Variants in ZBBX observed in about 807,000 individuals in gnomAD.
ZBBX encodes the protein zinc finger B-box domain-containing protein 1.
A neutral mutation model predicts 108.5 loss-of-function variants in ZBBX; 101 were observed. The observed-to-expected ratio is 0.93, with a 90% CI of 0.79 to 1.10. The LOEUF is 1.10. Ranked by LOEUF, ZBBX falls within the 50% of genes least tolerant of loss-of-function variation. ZBBX has a pLI of 0.00. For synonymous variants in ZBBX, 356 were observed against 323.4 expected, an observed-to-expected ratio of 1.10 and a Z score of -1.08; for missense variants, 1,009 against 941.4, an observed-to-expected ratio of 1.07 and a Z score of -0.94.
the ZBBX span, among the ~76,000 whole-genome samples, chr3:167,196,263 T>G: frequency 6.6e-6 from 1 of 152,202 alleles, no homozygotes; most frequent in African/African-American, 2.4e-5. Flanking sequence ...TATGCTATCA[T>G]GTGAAACCAA....
chr3:167,247,670 G>A (rs1366636630), intron 20 of ZBBX, among the ~76,000 whole-genome samples: 3 of 152,148 alleles, frequency 2.0e-5, no homozygotes, highest in Non-Finnish European at 4.4e-5. Context: ...GTCGTTAAGT[G>A]TCTATCTGTA....
chr3:167,225,874 G>A, the ZBBX span, among the ~76,000 whole-genome samples: 1 of 151,650 alleles, frequency 6.6e-6, no homozygotes, highest in Non-Finnish European at 1.5e-5. Context: ...AAGATCAGTT[G>A]CTTTTCTTGT....
In ZBBX at chr3:167,288,881, T is replaced by A; in HGVS notation, c.1982A>T (p.Lys661Ile). Residue 661 changes from lysine to isoleucine, a missense_variant, in exon 19 of 22, where the codon AAA becomes ATA. Physicochemically the swap from Lys to Ile is moderately radical, Grantham distance 102. Transcript: ENST00000675490. Reference sequence around the variant, plus strand: ...GTCAATGTTACCCATCTTTTGCTGTTTTCTACTTGATGATGGACTCTGAGC... The same window carrying A: ...GTCAATGTTACCCATCTTTTGCTGTATTCTACTTGATGATGGACTCTGAGC... Reference protein sequence around the residue: ...QGAQSPSSSRKQQKMGQKSQR... With the variant: ...QGAQSPSSSRIQQKMGQKSQR... The A allele has an allele frequency of 6.5e-7, 1 of 1,533,200 alleles. No homozygotes were observed. The highest frequency in any genetic ancestry group is 8.8e-7 in the Non-Finnish European group (1 of 1,135,678). 95.0% of individuals were successfully genotyped at this position (1,533,200 alleles called of 1,614,324 possible). A position where few individuals can be genotyped will look rare whatever the true frequency, so the allele number is the denominator to read the frequency against.
chr3:167,244,443 A>T (rs1721215742), intron 20 of ZBBX, among the ~76,000 whole-genome samples: 1 of 152,228 alleles, frequency 6.6e-6, no homozygotes, highest in African/African-American at 2.4e-5. Context: ...AAACTCTATT[A>T]TGCATTTGAG....
chr3:167,352,709 T>A (rs1231176421), intron 8 of ZBBX, among the ~76,000 whole-genome samples: 2 of 140,578 alleles, frequency 1.4e-5, no homozygotes, highest in African/African-American at 2.8e-5. Flanking sequence ...TAAACATAGA[T>A]ACAAAAATTC....
intron 17 of ZBBX, among the ~76,000 whole-genome samples, chr3:167,303,778 A>G (rs1044838895): frequency 1.3e-5 from 2 of 152,132 alleles, no homozygotes; most frequent in Admixed American, 1.3e-4. Context: ...TGCTCTTTGG[A>G]GATAATTATC....
intron 9 of ZBBX, among the ~76,000 whole-genome samples, chr3:167,348,201 G>A (rs971031484): frequency 4.8e-5 from 3 of 62,254 alleles, no homozygotes; most frequent in African/African-American, 2.2e-4. Context: ...GATGAAAGAA[G>A]GAAGGAAGGA....
chr3:167,223,469 G>A, the ZBBX span, among the ~76,000 whole-genome samples: 4 of 151,938 alleles, frequency 2.6e-5, no homozygotes, highest in African/African-American at 9.7e-5. Flanking sequence ...TTGTGTCAGA[G>A]TCTTAAAGGC....
chr3:167,404,439 T>C (rs1203451116), intron 1 of ZBBX, among the ~76,000 whole-genome samples: 1 of 152,094 alleles, frequency 6.6e-6, no homozygotes, highest in African/African-American at 2.4e-5. Context: ...AGAAAACCAA[T>C]CACTGAGACA....
chr3:167,289,411 T>C (rs77526741), intron 18 of ZBBX, among the ~76,000 whole-genome samples: 7,744 of 152,148 alleles, frequency 0.051, 532 homozygotes, highest in African/African-American at 0.16. Flanking sequence ...GTACATCTCA[T>C]TGGGACTGGT....
chr3:167,275,390 G>T (rs935403715), intron 20 of ZBBX, among the ~76,000 whole-genome samples: 1 of 152,164 alleles, frequency 6.6e-6, no homozygotes, highest in African/African-American at 2.4e-5. Context: ...ACTAGGGAGT[G>T]CCAGACAGTG....
chr3:167,388,838 C>A (rs1322324938), intron 1 of ZBBX, among the ~76,000 whole-genome samples: 8 of 151,882 alleles, frequency 5.3e-5, no homozygotes, highest in Non-Finnish European at 8.8e-5. Context: ...GAAAGCACAC[C>A]CTTGTTTGTT....
rs1716411798 is a variant in ZBBX, at chr3:167,240,353, G to A, written c.*440C>T. 6.6e-6 allele frequency: 1 copy of A among 152,254 alleles called. No individual in the cohort carries two copies. The highest frequency in any genetic ancestry group is 1.5e-5 in the Non-Finnish European group (1 of 68,144). 9.4% of individuals were successfully genotyped at this position (152,254 alleles called of 1,614,324 possible). A position where few individuals can be genotyped will look rare whatever the true frequency, so the allele number is the denominator to read the frequency against. ...TGAAGATACCAGAACTTCTATAAAT[G>A]TTAAAAACCAGAAAATAAACAGTGT... On this transcript the variant is annotated 3_prime_UTR_variant, in exon 22 of 22. Transcript: ENST00000675490.
chr3:167,222,482 A>C, the ZBBX span, among the ~76,000 whole-genome samples: 3 of 151,904 alleles, frequency 2.0e-5, no homozygotes, highest in African/African-American at 7.2e-5. Context: ...AGTTAGGTAC[A>C]TTACGATGAA....
the ZBBX span, among the ~76,000 whole-genome samples, chr3:167,220,367 C>T: frequency 6.6e-6 from 1 of 151,978 alleles, no homozygotes; most frequent in Non-Finnish European, 1.5e-5. Context: ...CTTAACAACA[C>T]ATTAAAAAGA....
chr3:167,323,251 A>AG (rs2108332035), intron 11 of ZBBX, among the ~76,000 whole-genome samples: 1 of 31,836 alleles, frequency 3.1e-5, no homozygotes, highest in Admixed American at 4.8e-4. Context: ...GGGGGGGGGG[A>AG]AAGAACTCTT....
chr3:167,259,433 C>A (rs1020421399), intron 20 of ZBBX, among the ~76,000 whole-genome samples: 2 of 152,034 alleles, frequency 1.3e-5, no homozygotes, highest in Non-Finnish European at 2.9e-5. Context: ...CTGTTTGTTT[C>A]ATTTATCTTT....
chr3:167,251,048 A>G (rs1722503170), intron 20 of ZBBX, among the ~76,000 whole-genome samples: 1 of 152,184 alleles, frequency 6.6e-6, no homozygotes, highest in Non-Finnish European at 1.5e-5. Flanking sequence ...ACACCGACAG[A>G]AACCAGCACA....
At chr3:167,210,568 A>G in the ZBBX span, among the ~76,000 whole-genome samples, 1 of 152,148 alleles carries the variant, frequency 6.6e-6, no homozygotes, top group African/African-American at 2.4e-5. Context: ...GCTATAGAAC[A>G]CCAAGCATAT....
Sources: gnomAD v4.1 joint callset for allele counts (sites outside exome capture counted in the v4.1 genomes callset) on GRCh38, gnomAD v4.1.1 for gene constraint, MANE v1.5 for transcripts, NCBI Gene and HGNC (gene_info 2026-07-23, HGNC 2026-07-21) for gene names.